The following FLT1 variants were observed in gnomAD, a reference collection of about 807,000 sequenced individuals.
FLT1 encodes the protein vascular endothelial growth factor receptor 1.
In FLT1, 49 loss-of-function variants were observed where a neutral mutation model predicts 156.3. The ratio of observed to expected loss-of-function variants is 0.31; its 90% confidence interval spans 0.25 to 0.40. The LOEUF (loss-of-function observed/expected upper bound fraction) is 0.40. Among genes scored for constraint, FLT1 ranks in the 10% least tolerant of loss-of-function variants. FLT1 has a pLI of 1.00. For synonymous variants in FLT1, 594 were observed against 583.8 expected (o/e 1.02, Z -0.25); for missense variants, 1,322 against 1,637.2 (o/e 0.81, Z 3.32).
rs550288319 is a variant in FLT1 at position 28,431,261 on chromosome 13, T to A, written c.863A>T (p.His288Leu). 23 of 1,613,940 alleles carry A rather than the reference T, an allele frequency of 1.4e-5. No homozygotes were observed. The East Asian group carries it at 2.5e-4, about 17-fold the overall frequency. The stretch of plus-strand genomic sequence containing the variant: ...AAGAACACTGTAGAATATGTTGGCA[T>A]GGGAATTGCTTTGGTCAATTCGTCG... ...VRRRIDQSNS[H>L]ANIFYSVLTI... Residue 288 changes from histidine to leucine, a missense_variant, in exon 7 of 30, where the codon CAT (histidine) becomes CTT (leucine). By Grantham distance (99) the His-to-Leu change is moderately conservative. This residue lies in a region of FLT1 where 991 missense variants were observed against 1,254.8 expected (regional missense o/e 0.79). Coordinates refer to ENST00000282397, the MANE Select transcript of FLT1 (RefSeq NM_002019.4).
chr13:28,358,550 A>G (rs1201887515), intron 14 of FLT1, among the ~76,000 whole-genome samples: 2 of 152,222 alleles, frequency 1.3e-5, no homozygotes, highest in African/African-American at 4.8e-5. Context: ...AAAGGCTTCA[A>G]GACCTTGAAG....
intron 14 of FLT1, among the ~76,000 whole-genome samples, chr13:28,375,133 A>G (rs1873788113): frequency 1.3e-5 from 2 of 152,218 alleles, no homozygotes; most frequent in Non-Finnish European, 2.9e-5. Context: ...GTGTGTGTAT[A>G]CCTATGCATG....
At chr13:28,386,045 T>G in intron 13 of FLT1, 1 of 1,053,888 alleles carries the variant, frequency 9.5e-7, no homozygotes, top group Non-Finnish European at 1.1e-6. Flanking sequence ...AAAAGAGTTT[T>G]GGCATAACTG....
intron 11 of FLT1, among the ~76,000 whole-genome samples, chr13:28,400,019 C>G (rs771902622): frequency 5.9e-5 from 9 of 152,152 alleles, no homozygotes; most frequent in Non-Finnish European, 1.0e-4. Context: ...CCCAAAGATG[C>G]AAAGGACCAC....
At chr13:28,319,752 C>T (rs1217928729) in intron 23 of FLT1, among the ~76,000 whole-genome samples, 1 of 152,174 alleles carries the variant, frequency 6.6e-6, no homozygotes, top group African/African-American at 2.4e-5. Context: ...AGTATATGTT[C>T]AGTAAGCCCC....
chr13:28,432,925 A>T lies in FLT1; in HGVS notation c.813+894T>A, dbSNP rs762232958. Among the ~76,000 whole-genome samples the T allele has an allele frequency of 5.9e-5, 9 of 152,366 alleles. 1 individual carries two copies. The South Asian group carries it at 1.7e-3, about 28-fold the overall frequency. On this transcript the variant is annotated intron_variant, in intron 6 of 29. Coordinates refer to ENST00000282397, the MANE Select transcript of FLT1 (RefSeq NM_002019.4). ...TCTCCTAGAGAATAGTTTATGACTG[A>T]TAAGTCCTTAATGTGTCCCTACAGG...
At chr13:28,414,601 T>C (rs1876535622) in intron 10 of FLT1, among the ~76,000 whole-genome samples, 1 of 152,216 alleles carries the variant, frequency 6.6e-6, no homozygotes, top group Non-Finnish European at 1.5e-5. Context: ...ATGTTAGTTG[T>C]CAGTTTATTA....
Position 28,302,167 on chromosome 13 carries a change from C to T in FLT1, c.*1000G>A, listed in dbSNP as rs1256742785. Reference sequence around the variant, plus strand: ...TCCTCAGGACTGCATTTTCATTCTTCTCAGCTTTCTTTCACAACTAACTGT... The same window carrying T: ...TCCTCAGGACTGCATTTTCATTCTTTTCAGCTTTCTTTCACAACTAACTGT... On this transcript the variant is annotated 3_prime_UTR_variant, in exon 30 of 30. Coordinates refer to ENST00000282397, the MANE Select transcript of FLT1 (RefSeq NM_002019.4). 8.6e-6 allele frequency: 2 copies of T among 233,160 alleles called. No homozygotes were observed. The highest frequency in any genetic ancestry group is 1.7e-5 in the Non-Finnish European group (2 of 118,052). The allele number at this position is 233,160 out of a possible 1,614,324, so 14.4% of individuals were successfully genotyped here. A position where few individuals can be genotyped will look rare whatever the true frequency, so the allele number is the denominator to read the frequency against.
rs973821008 is a variant in FLT1, at chr13:28,302,848, C to T, written c.*319G>A. Reference sequence around the variant, plus strand: ...ATGCATTGGGTGATCAGTGCAGCTCCTCAATCAAACTGGTCCTGCGTGCCC... The same window carrying T: ...ATGCATTGGGTGATCAGTGCAGCTCTTCAATCAAACTGGTCCTGCGTGCCC... On this transcript the variant is annotated 3_prime_UTR_variant, in exon 30 of 30. Transcript: ENST00000282397. 9.1e-6 allele frequency: 4 copies of T among 438,074 alleles called. No homozygotes were observed. Among genetic ancestry groups the T allele is most frequent in the South Asian group, 4.8e-5 (2 of 42,072 alleles). 27.1% of individuals were successfully genotyped at this position (438,074 alleles called of 1,614,324 possible). A position where few individuals can be genotyped will look rare whatever the true frequency, so the allele number is the denominator to read the frequency against.
rs545690698 is a variant in FLT1, at chr13:28,438,485, T to A, written c.389-140A>T. The A allele has an allele frequency of 5.7e-6, 4 of 705,096 alleles. No homozygotes were observed. In the East Asian group the frequency reaches 1.1e-4, roughly 19 times the overall value. 43.7% of individuals were successfully genotyped at this position (705,096 alleles called of 1,614,324 possible). A position where few individuals can be genotyped will look rare whatever the true frequency, so the allele number is the denominator to read the frequency against. On this transcript the variant is annotated intron_variant, in intron 3 of 29. Transcript: ENST00000282397. ...AATGTAATCCATACATTCACATCTTTGTCTCTGAATTTGGCCCTCTGTGTT... is the reference window on the plus strand; with the variant it reads ...AATGTAATCCATACATTCACATCTTAGTCTCTGAATTTGGCCCTCTGTGTT...
chr13:28,482,430 A>G (rs529629033), intron 1 of FLT1, among the ~76,000 whole-genome samples: 3 of 152,010 alleles, frequency 2.0e-5, no homozygotes, highest in Non-Finnish European at 4.4e-5. Context: ...CTCCATCTCA[A>G]AAAAAAGCCT....
At position 28,494,816 on chromosome 13, in the gene FLT1, G is replaced by T; in HGVS notation, c.28C>A (p.Leu10Met). The part of the protein sequence containing the change: MVSYWDTGV[L>M]LCALLSCLLL... ...AGACAGCTGAGCAGCGCGCACAGCA[G>T]GACCCCGGTGTCCCAGTAGCTGACC... The change falls in exon 1 of 30, where the codon CTG (leucine) becomes ATG (methionine). Residue 10 changes from leucine (L) to methionine (M), a missense_variant. Physicochemically the swap from Leu to Met is conservative, Grantham distance 15. Coordinates refer to ENST00000282397, the MANE Select transcript of FLT1 (RefSeq NM_002019.4). 1 of 1,573,714 alleles carries T rather than the reference G, an allele frequency of 6.4e-7. No homozygotes were observed. The highest frequency in any genetic ancestry group is 8.6e-7 in the Non-Finnish European group (1 of 1,164,948).
intron 20 of FLT1, among the ~76,000 whole-genome samples, chr13:28,325,999 T>C (rs1468806754): frequency 6.6e-6 from 1 of 152,128 alleles, no homozygotes; most frequent in Non-Finnish European, 1.5e-5. Flanking sequence ...GTGAAGATTC[T>C]TGCCCACATT....
At chr13:28,388,190 G>C in intron 13 of FLT1, 8 of 1,057,964 alleles carry the variant, frequency 7.6e-6, no homozygotes, top group Non-Finnish European at 8.0e-6. Flanking sequence ...CCTTTGGGCT[G>C]ACAACTTCCA....
intron 3 of FLT1, among the ~76,000 whole-genome samples, chr13:28,453,623 C>T (rs1004465346): frequency 4.6e-5 from 7 of 152,126 alleles, no homozygotes; most frequent in Non-Finnish European, 8.8e-5. Flanking sequence ...TTTTGCTAAT[C>T]CCTGTTCACT....
chr13:28,420,485 G>A (rs1876936811), intron 10 of FLT1, among the ~76,000 whole-genome samples: 1 of 152,172 alleles, frequency 6.6e-6, no homozygotes, highest in South Asian at 2.1e-4. Context: ...AATTGTATGT[G>A]TACTTAGGAA....
At chr13:28,411,841 A>C (rs1378045975) in intron 10 of FLT1, among the ~76,000 whole-genome samples, 2 of 152,204 alleles carry the variant, frequency 1.3e-5, no homozygotes, top group East Asian at 3.9e-4. Flanking sequence ...TTAATTTGGC[A>C]ACAAAGAGGG....
At chr13:28,303,510 G>A (rs983742787) in intron 29 of FLT1, 142 bp from the exon 30 acceptor site, 16 of 707,874 alleles carry the variant, frequency 2.3e-5, no homozygotes, top group Non-Finnish European at 3.6e-5. Context: ...CCCCTCAATT[G>A]CTGTCAGATT....
intron 25 of FLT1, among the ~76,000 whole-genome samples, chr13:28,313,157 T>G (rs1389166116): frequency 1.3e-5 from 2 of 151,996 alleles, no homozygotes; most frequent in African/African-American, 4.8e-5. Flanking sequence ...TTTTGTATTT[T>G]TAGTAGAGAT....
Sources: allele counts gnomAD v4.1 joint callset (sites outside exome capture counted in the v4.1 genomes callset), GRCh38; gene constraint gnomAD v4.1.1; regional missense constraint gnomAD v4.1.1; transcripts MANE v1.5; gene names NCBI Gene and HGNC (gene_info 2026-07-23, HGNC 2026-07-21).